The following DLG1 variants were observed in gnomAD, a reference collection of about 807,000 sequenced individuals.
DLG1 encodes the protein discs large MAGUK scaffold protein 1, also known as disks large homolog 1.
DLG1 carries 42 observed loss-of-function variants against 123.4 expected under a neutral mutation model. That is an observed-to-expected ratio of 0.34 (90% confidence interval 0.27 to 0.44). DLG1 has a LOEUF of 0.44. DLG1 is among the 20% of genes least tolerant of loss of function. The pLI, the probability that DLG1 is intolerant of heterozygous loss-of-function variation, is 1.00. For missense variants in DLG1, 942 were observed against 1,082.6 expected (o/e 0.87, Z 1.82); for synonymous variants, 317 against 356.2 (o/e 0.89, Z 1.24).
intron 5 of DLG1, among the ~76,000 whole-genome samples, chr3:197,164,930 AAAG>A (rs1232725290): frequency 7.3e-5 from 11 of 149,806 alleles, no homozygotes; most frequent in South Asian, 2.1e-4. Flanking sequence ...TCAAAAAAAG[AAAG>A]AAAGAAAGAA....
intron 11 of DLG1, among the ~76,000 whole-genome samples, chr3:197,119,785 C>A (rs1047109154): frequency 6.6e-6 from 1 of 152,116 alleles, no homozygotes; most frequent in African/African-American, 2.4e-5. Flanking sequence ...ACCCAGATTA[C>A]TTAAAGAATT....
intron 5 of DLG1, among the ~76,000 whole-genome samples, chr3:197,175,310 T>C (rs940304872): frequency 6.6e-6 from 1 of 152,224 alleles, no homozygotes; most frequent in Non-Finnish European, 1.5e-5. Context: ...AAATGTTATC[T>C]AAATAATAGT....
intron 4 of DLG1, among the ~76,000 whole-genome samples, chr3:197,277,278 G>A (rs955555212): frequency 6.6e-6 from 1 of 151,648 alleles, no homozygotes; most frequent in Non-Finnish European, 1.5e-5. Context: ...GGAGTAGGGT[G>A]CATCCTTTTC....
At position 197,224,463 on chromosome 3, in the gene DLG1, T is replaced by C. The variant is rs1271703933; in HGVS notation, c.319-29874A>G. On this transcript the variant is annotated intron_variant, in intron 4 of 24. Transcript: ENST00000667157. ...ATCCTTTTCCTAAAACACTCTGTTG[T>C]ACATACCACATGAAAAAACAGGCTT... Among the ~76,000 whole-genome samples, 7 of 152,292 alleles carry C rather than the reference T, an allele frequency of 4.6e-5. No individual in the cohort carries two copies. The East Asian group carries it at 9.6e-4, about 21-fold the overall frequency.
intron 11 of DLG1, among the ~76,000 whole-genome samples, chr3:197,122,799 G>T (rs1265607086): frequency 6.6e-6 from 1 of 152,046 alleles, no homozygotes; most frequent in East Asian, 1.9e-4. Context: ...CATATTAATG[G>T]ACTGATTAAG....
intron 9 of DLG1, among the ~76,000 whole-genome samples, chr3:197,137,178 G>C (rs2149610957): frequency 6.6e-6 from 1 of 152,196 alleles, no homozygotes; most frequent in East Asian, 1.9e-4. Flanking sequence ...TTCAATATCA[G>C]ATAATTTCTC....
intron 23 of DLG1, among the ~76,000 whole-genome samples, chr3:197,059,220 C>T (rs1196659603): frequency 2.0e-5 from 3 of 152,188 alleles, no homozygotes; most frequent in Admixed American, 6.5e-5. Context: ...CCACTGTGCC[C>T]AGCCATGAAA....
chr3:197,228,200 A>G (rs1262694881), intron 4 of DLG1, among the ~76,000 whole-genome samples: 1 of 152,264 alleles, frequency 6.6e-6, no homozygotes, highest in South Asian at 2.1e-4. Context: ...CAATCTCAAA[A>G]TACAACTTCT....
At chr3:197,164,518 T>C (rs1800336399) in intron 5 of DLG1, among the ~76,000 whole-genome samples, 1 of 152,252 alleles carries the variant, frequency 6.6e-6, no homozygotes, top group East Asian at 1.9e-4. Context: ...GGTTTTAAGA[T>C]AGTCTTTTGA....
At chr3:197,051,329 A>G (rs957563498) in intron 24 of DLG1, among the ~76,000 whole-genome samples, 1 of 152,140 alleles carries the variant, frequency 6.6e-6, no homozygotes, top group Non-Finnish European at 1.5e-5. Context: ...AGGCTGAGGC[A>G]GGAGAATCGC....
chr3:197,172,371 A>G (rs1342684997), intron 5 of DLG1, among the ~76,000 whole-genome samples: 1 of 152,120 alleles, frequency 6.6e-6, no homozygotes, highest in Non-Finnish European at 1.5e-5. Context: ...TCTTCTGTAT[A>G]ATTATATACA....
chr3:197,139,727 A>G (rs1787024797), intron 8 of DLG1, among the ~76,000 whole-genome samples: 1 of 152,084 alleles, frequency 6.6e-6, no homozygotes, highest in Admixed American at 6.6e-5. Context: ...AAGTTTATAT[A>G]CATGTTTCCC....
intron 5 of DLG1, among the ~76,000 whole-genome samples, chr3:197,186,515 TAGAG>T (rs1255162972): frequency 6.6e-6 from 1 of 152,166 alleles, no homozygotes; most frequent in African/African-American, 2.4e-5. Context: ...GCCTAAACAA[TAGAG>T]AAAGCTTAAG....
chr3:197,058,422 C>CA (rs10662711), intron 23 of DLG1, among the ~76,000 whole-genome samples: 2 of 151,862 alleles, frequency 1.3e-5, no homozygotes, highest in East Asian at 3.9e-4. Context: ...CCTCCAAACT[C>CA]TACTTGGCAA....
chr3:197,103,428 A>G (rs1212700939), intron 14 of DLG1, among the ~76,000 whole-genome samples: 1 of 152,088 alleles, frequency 6.6e-6, no homozygotes, highest in African/African-American at 2.4e-5. Flanking sequence ...AGTGACTGTA[A>G]CTCGGCTTCC....
At chr3:197,151,300 C>T (rs575854333) in intron 5 of DLG1, among the ~76,000 whole-genome samples, 51 of 152,088 alleles carry the variant, frequency 3.4e-4, no homozygotes, top group Non-Finnish European at 7.1e-4. Flanking sequence ...GGTCCCTCTG[C>T]CGATTTTTTA....
intron 4 of DLG1, among the ~76,000 whole-genome samples, chr3:197,280,940 T>C (rs1482516721): frequency 1.3e-5 from 2 of 152,116 alleles, no homozygotes; most frequent in Admixed American, 1.3e-4. Context: ...AGGTATCTGA[T>C]CTGGTAAGGG....
At chr3:197,082,878 A>G (rs1358547984) in intron 16 of DLG1, among the ~76,000 whole-genome samples, 1 of 152,192 alleles carries the variant, frequency 6.6e-6, no homozygotes, top group African/African-American at 2.4e-5. Flanking sequence ...ATGAAAAAAA[A>G]ATCTCTCCAG....
At chr3:197,113,661 T>C (rs890233760) in intron 13 of DLG1, among the ~76,000 whole-genome samples, 3 of 152,176 alleles carry the variant, frequency 2.0e-5, no homozygotes, top group East Asian at 1.9e-4. Context: ...AAACAGTATA[T>C]AGTTTGGTCT....
Sources: gnomAD v4.1 joint callset for allele counts (sites outside exome capture counted in the v4.1 genomes callset) on GRCh38, gnomAD v4.1.1 for gene constraint, MANE v1.5 for transcripts, NCBI Gene and HGNC (gene_info 2026-07-23, HGNC 2026-07-21) for gene names.